CFDP1: variants seen among roughly 807,000 people sequenced by gnomAD.
The protein encoded by CFDP1 is heterochromatin-stabilizing protein CFDP1.
A neutral mutation model predicts 40.1 loss-of-function variants in CFDP1; 31 were observed. The ratio of observed to expected loss-of-function variants is 0.77; its 90% confidence interval spans 0.58 to 1.04. CFDP1 has a LOEUF of 1.04. Ranked by LOEUF, CFDP1 falls within the 50% of genes least tolerant of loss-of-function variation. CFDP1 has a pLI of 0.00. For synonymous variants in CFDP1, 167 were observed against 120.0 expected, an observed-to-expected ratio of 1.39 and a Z score of -2.56; for missense variants, 423 against 343.4, an observed-to-expected ratio of 1.23 and a Z score of -1.83.
At chr16:75,375,143 A>G (rs1448454780) in intron 5 of CFDP1, among the ~76,000 whole-genome samples, 2 of 152,320 alleles carry the variant, frequency 1.3e-5, no homozygotes, top group Non-Finnish European at 2.9e-5. Flanking sequence ...CCATTAAAAA[A>G]AGGCAAAATC....
At chr16:75,310,211 C>G (rs990937607) in intron 5 of CFDP1, among the ~76,000 whole-genome samples, 1 of 152,212 alleles carries the variant, frequency 6.6e-6, no homozygotes, top group African/African-American at 2.4e-5. Context: ...GGACTTTGCT[C>G]TCACCAGCCA....
chr16:75,381,589 G>C (rs1234076797), intron 5 of CFDP1, among the ~76,000 whole-genome samples: 1 of 152,156 alleles, frequency 6.6e-6, no homozygotes, highest in Non-Finnish European at 1.5e-5. Context: ...CAGCAGATGA[G>C]AACACTAGAC....
In CFDP1 at chr16:75,365,977, A is replaced by G. The variant is rs946528415; in HGVS notation, c.650+29113T>C. Among the ~76,000 whole-genome samples, 5 of 152,314 alleles carry G rather than the reference A, an allele frequency of 3.3e-5. No homozygotes were observed. In the East Asian group the frequency reaches 9.7e-4, roughly 29 times the overall value. On this transcript the variant is annotated intron_variant, in intron 5 of 6. Coordinates refer to ENST00000283882, the MANE Select transcript of CFDP1 (RefSeq NM_006324.3). Reference sequence around the variant, plus strand: ...GTGACCACTTTGGAAAACAATGAACAATTCCTTAAAATTTCTTTGAAAATA... The same window carrying G: ...GTGACCACTTTGGAAAACAATGAACGATTCCTTAAAATTTCTTTGAAAATA...
intron 5 of CFDP1, among the ~76,000 whole-genome samples, chr16:75,387,140 CTTTTTT>C (rs11303354): frequency 7.8e-6 from 1 of 128,524 alleles, no homozygotes. Context: ...TCTTTTCTTT[CTTTTTT>C]TTTTTTTTTT....
chr16:75,387,163 G>C (rs1333400369), intron 5 of CFDP1, among the ~76,000 whole-genome samples: 1 of 145,400 alleles, frequency 6.9e-6, no homozygotes, highest in Non-Finnish European at 1.5e-5. Context: ...TTTTTGAGAC[G>C]GAGTCTCGCT....
intron 5 of CFDP1, among the ~76,000 whole-genome samples, chr16:75,356,362 C>T (rs1243926981): frequency 6.6e-6 from 1 of 152,144 alleles, no homozygotes; most frequent in African/African-American, 2.4e-5. Context: ...ACACATCCAT[C>T]AGAGCATATG....
At chr16:75,299,712 A>G (rs1223286310) in intron 6 of CFDP1, among the ~76,000 whole-genome samples, 2 of 152,172 alleles carry the variant, frequency 1.3e-5, no homozygotes, top group African/African-American at 4.8e-5. Context: ...CTGGGCTGGT[A>G]ACAGAATAGG....
At chr16:75,306,877 T>C (rs2078260785) in intron 5 of CFDP1, among the ~76,000 whole-genome samples, 1 of 135,566 alleles carries the variant, frequency 7.4e-6, no homozygotes, top group Non-Finnish European at 1.6e-5. Context: ...GTGCGCGTGA[T>C]CACACACACA....
At chr16:75,431,378 C>T (rs547455883) in intron 1 of CFDP1, among the ~76,000 whole-genome samples, 137 of 131,754 alleles carry the variant, frequency 1.0e-3, no homozygotes, top group African/African-American at 3.3e-3. Flanking sequence ...GGCGTGAACC[C>T]GGGAGGCAGA....
intron 5 of CFDP1, among the ~76,000 whole-genome samples, chr16:75,360,885 G>C (rs2078675867): frequency 6.6e-6 from 1 of 152,104 alleles, no homozygotes; most frequent in Non-Finnish European, 1.5e-5. Context: ...ATTCACATAA[G>C]AATTCTTTTT....
At chr16:75,347,542 A>G (rs1252878293) in intron 5 of CFDP1, among the ~76,000 whole-genome samples, 1 of 151,460 alleles carries the variant, frequency 6.6e-6, no homozygotes, top group Non-Finnish European at 1.5e-5. Flanking sequence ...AGCTGAGTGC[A>G]GTGTCAGGCA....
chr16:75,410,617 CAAAAA>C (rs1168126785), intron 4 of CFDP1, among the ~76,000 whole-genome samples: 1 of 148,406 alleles, frequency 6.7e-6, no homozygotes. Context: ...ACTAAAACTA[CAAAAA>C]AAAAGTCCAG....
At chr16:75,324,491 C>T (rs1249428560) in intron 5 of CFDP1, among the ~76,000 whole-genome samples, 6 of 152,108 alleles carry the variant, frequency 3.9e-5, no homozygotes, top group East Asian at 1.9e-4. Context: ...CCTGTAATCC[C>T]GGAACTTTAG....
intron 5 of CFDP1, among the ~76,000 whole-genome samples, chr16:75,318,333 C>T (rs756803609): frequency 1.3e-5 from 2 of 151,838 alleles, no homozygotes; most frequent in Non-Finnish European, 2.9e-5. Flanking sequence ...AAGCACTGGG[C>T]AGAAGATCAA....
chr16:75,365,653 T>C (rs2078708413), intron 5 of CFDP1, among the ~76,000 whole-genome samples: 1 of 152,122 alleles, frequency 6.6e-6, no homozygotes. Context: ...GGAGGATCAC[T>C]TGAGGCCGCT....
rs1484491980 is a variant in CFDP1 at position 75,294,033 on chromosome 16, T to G, written c.819A>C (p.Glu273Asp). The change falls in exon 7 of 7, where the codon GAA becomes GAC. Residue 273 changes from glutamate (E) to aspartate (D), a missense_variant. Transcript: ENST00000283882. ...IHNRGKEGYIERKAFLDRVDH... is the reference protein window; with the variant it reads ...IHNRGKEGYIDRKAFLDRVDH... ...CCACTCGGTCAAGGAAGGCTTTCCG[T>G]TCAATGTACCTAGAAGATGAAAACA... The G allele has an allele frequency of 6.2e-7, 1 of 1,613,280 alleles. No individual in the cohort carries two copies. Among genetic ancestry groups the G allele is most frequent in the East Asian group, 2.2e-5 (1 of 44,876 alleles).
chr16:75,327,279 G>A (rs539177170), intron 5 of CFDP1, among the ~76,000 whole-genome samples: 6 of 151,990 alleles, frequency 3.9e-5, no homozygotes, highest in South Asian at 4.2e-4. Flanking sequence ...AAAACAAAAC[G>A]AAACAAAAAA....
chr16:75,407,654 C>CAAAA (rs11456525), intron 4 of CFDP1, among the ~76,000 whole-genome samples: 2 of 116,786 alleles, frequency 1.7e-5, no homozygotes, highest in East Asian at 2.4e-4. Flanking sequence ...GACCCTGTCT[C>CAAAA]AAAAAAAAAA....
At chr16:75,431,955 A>C (rs1440379843) in intron 1 of CFDP1, among the ~76,000 whole-genome samples, 1 of 135,836 alleles carries the variant, frequency 7.4e-6, no homozygotes, top group East Asian at 2.2e-4. Flanking sequence ...TCTGTCACCC[A>C]GGCTGGAGTG....
Sources: gnomAD v4.1 joint callset for allele counts (sites outside exome capture counted in the v4.1 genomes callset) on GRCh38, gnomAD v4.1.1 for gene constraint, MANE v1.5 for transcripts, NCBI Gene and HGNC (gene_info 2026-07-23, HGNC 2026-07-21) for gene names.